RPRD1B: variants seen among roughly 807,000 people sequenced by gnomAD.
The protein encoded by RPRD1B is regulation of nuclear pre-mRNA domain containing 1B.
RPRD1B carries 11 observed loss-of-function variants against 41.5 expected under a neutral mutation model. The ratio of observed to expected loss-of-function variants is 0.27; its 90% CI spans 0.17 to 0.44. RPRD1B has a LOEUF of 0.44. Ranked by LOEUF, RPRD1B falls within the 20% of genes least tolerant of loss-of-function variation. The pLI is 1.00. For synonymous variants in RPRD1B, 158 were observed against 155.6 expected, an observed-to-expected ratio of 1.02 and a Z score of -0.12; for missense variants, 248 against 389.9, an observed-to-expected ratio of 0.64 and a Z score of 3.06.
At chr20:38,063,292 C>T (rs774509919) in intron 5 of RPRD1B, among the ~76,000 whole-genome samples, 138 of 152,288 alleles carry the variant, frequency 9.1e-4, no homozygotes, top group Non-Finnish European at 1.7e-3. Flanking sequence ...CCTTGTTTTT[C>T]TCTGTAGTTC....
chr20:38,057,374 C>G (rs1200609303), intron 3 of RPRD1B, among the ~76,000 whole-genome samples, 158 bp from the exon 4 acceptor site: 1 of 152,214 alleles, frequency 6.6e-6, no homozygotes, highest in African/African-American at 2.4e-5. Context: ...TAGGGAACTA[C>G]AGTCAATTTA....
At chr20:38,057,707 T>C (rs1398603742) in intron 4 of RPRD1B, 63 bp downstream of exon 4, 1 of 1,202,546 alleles carries the variant, frequency 8.3e-7, no homozygotes, top group Non-Finnish European at 1.2e-6. Flanking sequence ...TTGAAGACTA[T>C]GGCCACAAGG....
intron 1 of RPRD1B, among the ~76,000 whole-genome samples, chr20:38,037,677 A>G (rs1186132581): frequency 6.6e-6 from 1 of 152,148 alleles, no homozygotes; most frequent in Non-Finnish European, 1.5e-5. Context: ...TTGAATATGG[A>G]GGGATACAGT....
In RPRD1B at chr20:38,059,390, A is replaced by T; in HGVS notation, c.529-4A>T. On this transcript the variant is annotated splice_polypyrimidine_tract_variant and splice_region_variant and intron_variant, in intron 4 of 6. Transcript: ENST00000373433. ...GTAGTGTTGTTTGTGTTTTCATCTT[A>T]CAGACTGAGGAACTAATCAAAGCTT... 1 of 1,611,046 alleles carries T rather than the reference A, an allele frequency of 6.2e-7. No homozygotes were observed. The highest frequency in any genetic ancestry group is 8.5e-7 in the Non-Finnish European group (1 of 1,178,478).
chr20:38,054,880 A>T (rs1035493154), intron 3 of RPRD1B, among the ~76,000 whole-genome samples: 1 of 152,248 alleles, frequency 6.6e-6, no homozygotes, highest in Admixed American at 6.5e-5. Flanking sequence ...CTTTGATGCC[A>T]CAGTGGCTAA....
intron 6 of RPRD1B, among the ~76,000 whole-genome samples, chr20:38,068,028 C>G (rs1260424401): frequency 6.6e-6 from 1 of 152,178 alleles, no homozygotes; most frequent in African/African-American, 2.4e-5. Context: ...ACTCTTTGTT[C>G]TGTTTTCCCT....
intron 6 of RPRD1B, among the ~76,000 whole-genome samples, 192 bp downstream of exon 6, chr20:38,066,448 A>G (rs1405000974): frequency 3.3e-5 from 5 of 152,228 alleles, no homozygotes; most frequent in Admixed American, 3.3e-4. Flanking sequence ...TTATATGTCC[A>G]GGACAGAACA....
chr20:38,066,310 A>G, intron 6 of RPRD1B, 54 bp downstream of exon 6: 1 of 1,528,198 alleles, frequency 6.5e-7, no homozygotes, highest in South Asian at 1.2e-5. Context: ...CCTGTAGCCC[A>G]CATTAGGAGG....
intron 5 of RPRD1B, among the ~76,000 whole-genome samples, chr20:38,065,015 A>G (rs1020213830): frequency 1.1e-4 from 16 of 151,996 alleles, no homozygotes; most frequent in Non-Finnish European, 1.6e-4. Flanking sequence ...AAAATAGAAG[A>G]TAGAGCACAC....
chr20:38,036,307 T>C (rs1207235688), intron 1 of RPRD1B, among the ~76,000 whole-genome samples: 1 of 152,238 alleles, frequency 6.6e-6, no homozygotes, highest in Non-Finnish European at 1.5e-5. Flanking sequence ...AGCCCAGGGC[T>C]GCCTGATGCC....
At chr20:38,087,908 C>T (rs1322716788) in intron 6 of RPRD1B, among the ~76,000 whole-genome samples, 1 of 152,172 alleles carries the variant, frequency 6.6e-6, no homozygotes, top group Non-Finnish European at 1.5e-5. Flanking sequence ...CTACTGTTTG[C>T]TGGACACTGC....
At chr20:38,072,333 G>A (rs2074421088) in intron 6 of RPRD1B, among the ~76,000 whole-genome samples, 3 of 152,158 alleles carry the variant, frequency 2.0e-5, no homozygotes. Context: ...GGCCACAGAT[G>A]TATTGGTTTA....
At chr20:38,084,803 T>G (rs1267148804) in intron 6 of RPRD1B, among the ~76,000 whole-genome samples, 1 of 152,140 alleles carries the variant, frequency 6.6e-6, no homozygotes, top group East Asian at 1.9e-4. Flanking sequence ...AATCCTAGGC[T>G]TTATCTCAGA....
chr20:38,066,979 A>C (rs2074364376), intron 6 of RPRD1B, among the ~76,000 whole-genome samples: 1 of 152,144 alleles, frequency 6.6e-6, no homozygotes, highest in African/African-American at 2.4e-5. Context: ...TTCTGACTTT[A>C]TCCATGCTGC....
At chr20:38,064,680 T>G (rs1417813080) in intron 5 of RPRD1B, among the ~76,000 whole-genome samples, 1 of 152,200 alleles carries the variant, frequency 6.6e-6, no homozygotes, top group Non-Finnish European at 1.5e-5. Flanking sequence ...AAAAATACCC[T>G]TTCTTAATGT....
intron 5 of RPRD1B, among the ~76,000 whole-genome samples, chr20:38,060,572 C>A (rs79251395): frequency 1.8e-4 from 28 of 151,960 alleles, no homozygotes; most frequent in African/African-American, 6.0e-4. Context: ...AGCAGAGACC[C>A]GAAAAATTAG....
At chr20:38,052,474 T>TAG (rs1376127150) in intron 3 of RPRD1B, among the ~76,000 whole-genome samples, 1 of 152,194 alleles carries the variant, frequency 6.6e-6, no homozygotes, top group Non-Finnish European at 1.5e-5. Flanking sequence ...GACCTTTATC[T>TAG]GTTGTAGGTT....
chr20:38,080,215 G>A (rs1015537613), intron 6 of RPRD1B, among the ~76,000 whole-genome samples: 1 of 152,134 alleles, frequency 6.6e-6, no homozygotes, highest in African/African-American at 2.4e-5. Context: ...AAGCTCTTTA[G>A]TTTAATTAGA....
chr20:38,060,289 C>T (rs1399374273), intron 5 of RPRD1B, among the ~76,000 whole-genome samples: 3 of 152,200 alleles, frequency 2.0e-5, no homozygotes, highest in African/African-American at 7.2e-5. Context: ...AAGCTCAGAC[C>T]TTTCATTCCA....
Sources: gnomAD v4.1 joint callset for allele counts (sites outside exome capture counted in the v4.1 genomes callset) on GRCh38, gnomAD v4.1.1 for gene constraint, MANE v1.5 for transcripts, NCBI Gene and HGNC (gene_info 2026-07-23, HGNC 2026-07-21) for gene names.